DNAH6: variants seen among roughly 807,000 people sequenced by gnomAD.
DNAH6 encodes the protein dynein axonemal heavy chain 6, also known as axonemal beta dynein heavy chain 6.
A neutral mutation model predicts 491.4 loss-of-function variants in DNAH6; 340 were observed. The observed-to-expected ratio is 0.69, with a 90% CI of 0.63 to 0.76. The LOEUF is 0.76. Among genes scored for constraint, DNAH6 ranks in the 30% least tolerant of loss-of-function variants. The probability of loss-of-function intolerance (pLI) is 0.00; values close to 1 mark genes in which losing one functional copy is unlikely to be tolerated. For missense variants in DNAH6, 4,443 were observed against 4,972.2 expected (o/e 0.89, Z 3.20); for synonymous variants, 1,603 against 1,686.1 (o/e 0.95, Z 1.21).
intron 37 of DNAH6, among the ~76,000 whole-genome samples, chr2:84,660,484 G>T (rs1028073343): frequency 6.6e-6 from 1 of 152,056 alleles, no homozygotes; most frequent in Non-Finnish European, 1.5e-5. Context: ...AGGAATAATG[G>T]ATAAAGTTAG....
chr2:84,664,789 A>G (rs542262650), intron 37 of DNAH6, among the ~76,000 whole-genome samples: 1 of 152,250 alleles, frequency 6.6e-6, no homozygotes, highest in Non-Finnish European at 1.5e-5. Context: ...AATCAACAGA[A>G]TATACATTCT....
chr2:84,525,546 GTCTC>G lies in DNAH6; in HGVS notation c.226-15_226-12del, dbSNP rs746303234. The G allele has an allele frequency of 3.0e-5, 46 of 1,528,784 alleles. No individual in the cohort carries two copies. In the East Asian group the frequency reaches 8.1e-4, roughly 27 times the overall value. 94.7% of individuals were successfully genotyped at this position (1,528,784 alleles called of 1,614,324 possible). On this transcript the variant is annotated splice_polypyrimidine_tract_variant and intron_variant, in intron 2 of 76. Transcript: ENST00000389394. ...TACGAATGTTAATAAAAATTAACAT[GTCTC>G]TCTATTTCCCAAAGCCAGTGCTAAA... is the stretch of plus-strand genomic sequence containing the variant.
At chr2:84,704,021 A>G in intron 50 of DNAH6, 46 bp from the exon 51 acceptor site, 1 of 1,415,292 alleles carries the variant, frequency 7.1e-7, no homozygotes, top group Non-Finnish European at 9.7e-7. Context: ...TGAATATTAA[A>G]ATTCAAATAA....
At position 84,654,799 on chromosome 2, in the gene DNAH6, A is replaced by G. The variant is rs769077438; in HGVS notation, c.5757+17A>G. 8.5e-5 allele frequency: 132 copies of G among 1,549,758 alleles called. No individual in the cohort carries two copies. The highest frequency in any genetic ancestry group is 9.2e-5 in the Non-Finnish European group (105 of 1,145,478). Reference sequence around the variant, plus strand: ...TCTAAAAAAGTAAGTGCCATCAGATATTCCCCAATATCTCCATCTGTCAGG... The same window carrying G: ...TCTAAAAAAGTAAGTGCCATCAGATGTTCCCCAATATCTCCATCTGTCAGG... On this transcript the variant is annotated intron_variant, in intron 35 of 76. Coordinates refer to ENST00000389394, the MANE Select transcript of DNAH6 (RefSeq NM_001370.2).
the DNAH6 span, among the ~76,000 whole-genome samples, chr2:84,484,192 C>T: frequency 6.6e-6 from 1 of 152,070 alleles, no homozygotes; most frequent in Non-Finnish European, 1.5e-5. Context: ...GCATCTAGTC[C>T]AGGATATATG....
intron 18 of DNAH6, among the ~76,000 whole-genome samples, chr2:84,597,866 A>C (rs1684761659): frequency 6.6e-6 from 1 of 152,190 alleles, no homozygotes. Flanking sequence ...TATGCCTGTA[A>C]TCCCAATACT....
At chr2:84,692,864 T>C (rs1348184470) in intron 45 of DNAH6, among the ~76,000 whole-genome samples, 1 of 152,238 alleles carries the variant, frequency 6.6e-6, no homozygotes, top group Non-Finnish European at 1.5e-5. Context: ...TCTTGTCGAG[T>C]AGATGCCTGA....
intron 11 of DNAH6, among the ~76,000 whole-genome samples, chr2:84,572,004 A>G (rs1681943967): frequency 6.6e-6 from 1 of 152,152 alleles, no homozygotes; most frequent in Non-Finnish European, 1.5e-5. Flanking sequence ...AGAACAAAAA[A>G]TGTTTTTTCC....
In DNAH6 at chr2:84,694,257, G is replaced by C; in HGVS notation, c.7301G>C (p.Arg2434Pro). 1 of 1,551,836 alleles carries C rather than the reference G, an allele frequency of 6.4e-7. No individual in the cohort carries two copies. Among genetic ancestry groups the C allele is most frequent in the Non-Finnish European group, 8.7e-7 (1 of 1,146,946 alleles). The part of the protein sequence containing the change: ...DAIEHVSRIA[R>P]MIRQERGNAL... ...TGCTCTGATGTTTGCAGGATTGCTC[G>C]GATGATACGTCAAGAAAGAGGCAAT... is the stretch of plus-strand genomic sequence containing the variant. Residue 2434 changes from arginine to proline, a missense_variant, in exon 46 of 77, where the codon CGG (arginine) becomes CCG (proline). Transcript: ENST00000389394.
At chr2:84,488,504 C>A in the DNAH6 span, among the ~76,000 whole-genome samples, 1 of 152,044 alleles carries the variant, frequency 6.6e-6, no homozygotes, top group Non-Finnish European at 1.5e-5. Flanking sequence ...AGGAGTGAAT[C>A]TTTATTTTTT....
chr2:84,653,933 C>T lies in DNAH6; in HGVS notation c.5634+59C>T, dbSNP rs546924363. On this transcript the variant is annotated intron_variant, in intron 34 of 76. Transcript: ENST00000389394. ...TCATTAAATTGGCATACTATCGTTA[C>T]ATTTTTTTCTCACACTGATGTAGCC... The T allele has an allele frequency of 8.8e-5, 123 of 1,390,864 alleles. No homozygotes were observed. The African/African-American group carries it at 1.5e-3, about 17-fold the overall frequency. 86.2% of individuals were successfully genotyped at this position (1,390,864 alleles called of 1,614,324 possible).
At chr2:84,473,136 C>T in the DNAH6 span, among the ~76,000 whole-genome samples, 1 of 151,998 alleles carries the variant, frequency 6.6e-6, no homozygotes. Flanking sequence ...AGGCAAAATC[C>T]AGGATGTTAA....
the DNAH6 span, among the ~76,000 whole-genome samples, chr2:84,464,773 G>T: frequency 6.6e-6 from 1 of 152,048 alleles, no homozygotes; most frequent in Non-Finnish European, 1.5e-5. Context: ...GTGGGTTTTG[G>T]CTAGCTCCTT....
At chr2:84,625,484 T>A (rs1374903278) in intron 29 of DNAH6, among the ~76,000 whole-genome samples, 2 of 152,202 alleles carry the variant, frequency 1.3e-5, no homozygotes, top group Admixed American at 1.3e-4. Context: ...ACAGTGGTTC[T>A]CAAACTTTTT....
At position 84,805,776 on chromosome 2, in the gene DNAH6, G is replaced by A; in HGVS notation, c.11593G>A (p.Val3865Ile). 1.3e-6 allele frequency: 2 copies of A among 1,550,680 alleles called. No homozygotes were observed. The highest frequency in any genetic ancestry group is 1.7e-4 in the Middle Eastern group (1 of 5,986). Residue 3865 changes from valine to isoleucine, a missense_variant, in exon 71 of 77, where the codon GTC (valine) becomes ATC (isoleucine). Around this residue, in one of 3 missense-constraint regions of DNAH6, gnomAD observed 1,463 missense variants for 1,656.6 expected, o/e 0.88. Transcript: ENST00000389394. ...AATTGTTCAAGAACTTGTTGCTTCTGTCCAGACCAGAGTTCCAGGTAATAA... is the reference window on the plus strand; with the variant it reads ...AATTGTTCAAGAACTTGTTGCTTCTATCCAGACCAGAGTTCCAGGTAATAA... ...DEIVQELVAS[V>I]QTRVPEKLEM...
At position 84,703,443 on chromosome 2, in the gene DNAH6, A is replaced by C. The variant is rs1432124896; in HGVS notation, c.8110A>C (p.Ile2704Leu). The change falls in exon 50 of 77, where the codon ATA (isoleucine) becomes CTA (leucine). Residue 2704 changes from isoleucine (I) to leucine (L), a missense_variant. Ile to Leu is a conservative substitution (Grantham distance 5). This residue lies in a region of DNAH6 where 2,977 missense variants were observed against 3,296.6 expected (regional missense o/e 0.90). Coordinates refer to ENST00000389394, the MANE Select transcript of DNAH6 (RefSeq NM_001370.2). Reference sequence around the variant, plus strand: ...TCTCACCAAGCTACTAGAAACAAACATACTAGTAGATAAAATGAAACTAGA... The same window carrying C: ...TCTCACCAAGCTACTAGAAACAAACCTACTAGTAGATAAAATGAAACTAGA... ...NGLTKLLETN[I>L]LVDKMKLDLS... 2.6e-6 allele frequency: 4 copies of C among 1,548,202 alleles called. No homozygotes were observed. The highest frequency in any genetic ancestry group is 3.4e-4 in the Middle Eastern group (2 of 5,958).
intron 41 of DNAH6, among the ~76,000 whole-genome samples, chr2:84,677,739 G>A (rs1397251236): frequency 6.6e-6 from 1 of 152,216 alleles, no homozygotes; most frequent in East Asian, 1.9e-4. Flanking sequence ...AGAACAGTAA[G>A]AGAATATGAA....
chr2:84,556,898 A>T (rs1321407400), intron 10 of DNAH6, among the ~76,000 whole-genome samples: 1 of 152,168 alleles, frequency 6.6e-6, no homozygotes, highest in Non-Finnish European at 1.5e-5. Flanking sequence ...TTTTGTAAGG[A>T]TATGTAATTT....
At chr2:84,507,643 C>T in the DNAH6 span, among the ~76,000 whole-genome samples, 33 of 152,186 alleles carry the variant, frequency 2.2e-4, no homozygotes, top group Non-Finnish European at 3.5e-4. Flanking sequence ...CTGTCTTGTG[C>T]CAGTTTTCAA....
Sources: allele counts gnomAD v4.1 joint callset (sites outside exome capture counted in the v4.1 genomes callset), GRCh38; gene constraint gnomAD v4.1.1; regional missense constraint gnomAD v4.1.1; transcripts MANE v1.5; gene names NCBI Gene and HGNC (gene_info 2026-07-23, HGNC 2026-07-21).